LRRC45: variants seen among roughly 807,000 people sequenced by gnomAD.
The protein encoded by LRRC45 is leucine-rich repeat-containing protein 45.
A neutral mutation model predicts 85.4 loss-of-function variants in LRRC45; 73 were observed. The ratio of observed to expected loss-of-function variants is 0.85; its 90% CI spans 0.71 to 1.04. LRRC45 has a LOEUF of 1.04. LRRC45 is among the 50% of genes least tolerant of loss of function. The probability of loss-of-function intolerance (pLI) is 0.00; values close to 1 mark genes in which losing one functional copy is unlikely to be tolerated. For synonymous variants in LRRC45, 429 were observed against 386.0 expected (o/e 1.11, Z -1.31); for missense variants, 937 against 883.3 (o/e 1.06, Z -0.77).
intron 7 of LRRC45, 41 bp from the exon 8 acceptor site, chr17:82,027,633 G>A: frequency 1.3e-6 from 2 of 1,596,128 alleles, no homozygotes; most frequent in Non-Finnish European, 1.7e-6. Context: ...GGAGCGCTCT[G>A]GGGTTTGGGT....
chr17:82,025,621 C>T (rs2043362121), intron 5 of LRRC45, 114 bp downstream of exon 5: 2 of 1,319,902 alleles, frequency 1.5e-6, no homozygotes, highest in Non-Finnish European at 2.0e-6. Context: ...CCTGAGAGCC[C>T]AGGGGAAGCA....
At chr17:82,023,998 T>C in intron 1 of LRRC45, 135 bp downstream of exon 1, 1 of 845,276 alleles carries the variant, frequency 1.2e-6, no homozygotes, top group Non-Finnish European at 1.8e-6. Context: ...CGCCCCTTCC[T>C]GCACCTGGGA....
At chr17:82,027,810 G>C in intron 8 of LRRC45, 59 bp downstream of exon 8, 13 of 1,578,354 alleles carry the variant, frequency 8.2e-6, no homozygotes, top group Non-Finnish European at 1.1e-5. Context: ...AGAGAAAGGT[G>C]GTGTGAACCT....
intron 7 of LRRC45, 46 bp downstream of exon 7, chr17:82,027,490 G>T: frequency 6.2e-7 from 1 of 1,611,328 alleles, no homozygotes; most frequent in African/African-American, 1.3e-5. Context: ...CAGGGATCAG[G>T]TCCTGGCTCA....
intron 5 of LRRC45, chr17:82,026,667 C>T: frequency 2.6e-6 from 1 of 388,458 alleles, no homozygotes. Flanking sequence ...GCAACCTCCA[C>T]CTCCCGGTTC....
chr17:82,027,138 GCTGGTAC>G (rs763274397), intron 6 of LRRC45, 127 bp downstream of exon 6: 103 of 925,536 alleles, frequency 1.1e-4, no homozygotes, highest in Non-Finnish European at 1.7e-4. Flanking sequence ...TCTCTGAGTG[GCTGGTAC>G]CAGGAAGGAG....
At position 82,027,378 on chromosome 17, in the gene LRRC45, G is replaced by T. The variant is rs201334461; in HGVS notation, c.775-8G>T. ...CCCTGACAGGGCTGCGGCTGTCTCTGTCCCCAGTTCCTCGACTTGATGGAG... is the reference window on the plus strand; with the variant it reads ...CCCTGACAGGGCTGCGGCTGTCTCTTTCCCCAGTTCCTCGACTTGATGGAG... On this transcript the variant is annotated splice_polypyrimidine_tract_variant and splice_region_variant and intron_variant, in intron 6 of 16. Coordinates refer to ENST00000306688, the MANE Select transcript of LRRC45 (RefSeq NM_144999.4). The T allele has an allele frequency of 9.3e-6, 15 of 1,612,570 alleles. No homozygotes were observed. Among genetic ancestry groups the T allele is most frequent in the South Asian group, 2.2e-5 (2 of 91,086 alleles).
At chr17:82,026,800 G>A in intron 5 of LRRC45, 99 bp from the exon 6 acceptor site, 5 of 892,976 alleles carry the variant, frequency 5.6e-6, no homozygotes, top group East Asian at 2.7e-5. Flanking sequence ...GGCTGGTCTC[G>A]AACCCCTGAC....
At position 82,027,322 on chromosome 17, in the gene LRRC45, CT is replaced by C. The variant is rs1302258722; in HGVS notation, c.775-63del. 21 of 1,590,558 alleles carry C rather than the reference CT, an allele frequency of 1.3e-5. No homozygotes were observed. The East Asian group carries it at 3.8e-4, about 29-fold the overall frequency. On this transcript the variant is annotated intron_variant, in intron 6 of 16. Transcript: ENST00000306688. ...TGGTGGGCGCTGGCTCTCCTTCCCC[CT>C]GAGAAGGTCAGGTGGACAGGCTGCA...
At chr17:82,026,507 G>A (rs2043368567) in intron 5 of LRRC45, among the ~76,000 whole-genome samples, 1 of 151,950 alleles carries the variant, frequency 6.6e-6, no homozygotes, top group Non-Finnish European at 1.5e-5. Context: ...CTGGGTGCAG[G>A]GCTGGTGGCC....
intron 5 of LRRC45, 45 bp from the exon 6 acceptor site, chr17:82,026,854 C>T: frequency 6.6e-7 from 1 of 1,513,324 alleles, no homozygotes; most frequent in Non-Finnish European, 9.0e-7. Flanking sequence ...TGCTGGGATT[C>T]CAGGCATGAG....
Position 82,023,317 on chromosome 17 carries a change from T to C in LRRC45, c.-327T>C. On this transcript the variant is annotated 5_prime_UTR_variant, in exon 1 of 17. Transcript: ENST00000306688. ...CCCGGCGCGCCTTGTTCTTCCTGGA[T>C]ACTGAGGCCCCGACGCGGCTGTCGC... 2.2e-6 allele frequency: 1 copy of C among 450,790 alleles called. No individual in the cohort carries two copies. The highest frequency in any genetic ancestry group is 3.9e-6 in the Non-Finnish European group (1 of 254,394). 27.9% of individuals were successfully genotyped at this position (450,790 alleles called of 1,614,324 possible).
At chr17:82,025,248 G>T in intron 4 of LRRC45, 70 bp downstream of exon 4, 1 of 1,534,964 alleles carries the variant, frequency 6.5e-7, no homozygotes, top group South Asian at 1.3e-5. Flanking sequence ...GAAGTGAGGG[G>T]CTAGGGGACT....
chr17:82,029,169 G>A lies in LRRC45; in HGVS notation c.1385G>A (p.Arg462Gln), dbSNP rs1003035585. 9 of 1,610,852 alleles carry A rather than the reference G, an allele frequency of 5.6e-6. No homozygotes were observed. The highest frequency in any genetic ancestry group is 4.0e-5 in the African/African-American group (3 of 74,888). Residue 462 changes from arginine (R) to glutamine (Q), a missense_variant, in exon 13 of 17, where the codon CGG becomes CAG. Coordinates refer to ENST00000306688, the MANE Select transcript of LRRC45 (RefSeq NM_144999.4). ...CGGGTGCAGAGGCTGGAGGCGGCGC[G>A]GCTGTCCCTGGAGGAGGTGAGTGCC... is the stretch of plus-strand genomic sequence containing the variant. The part of the protein sequence containing the change: ...QERVQRLEAA[R>Q]LSLEEELSRV...
intron 14 of LRRC45, 58 bp downstream of exon 14, chr17:82,029,693 C>T (rs2043400651): frequency 2.0e-6 from 3 of 1,473,138 alleles, no homozygotes; most frequent in Non-Finnish European, 2.8e-6. Context: ...CATTGCGGCC[C>T]GCATGCAGAC....
chr17:82,025,314 C>G (rs2043359038), intron 4 of LRRC45, 65 bp from the exon 5 acceptor site: 12 of 1,529,276 alleles, frequency 7.8e-6, no homozygotes, highest in Non-Finnish European at 1.1e-5. Context: ...AGGGAAGCAC[C>G]CCGGCCAGGC....
At chr17:82,027,265 C>G in intron 6 of LRRC45, 121 bp from the exon 7 acceptor site, 1 of 1,270,100 alleles carries the variant, frequency 7.9e-7, no homozygotes, top group Non-Finnish European at 1.1e-6. Flanking sequence ...GACAGGGCAC[C>G]GTGGGTGGAA....
chr17:82,025,923 G>C (rs995066211), intron 5 of LRRC45, among the ~76,000 whole-genome samples: 1 of 152,188 alleles, frequency 6.6e-6, no homozygotes, highest in Non-Finnish European at 1.5e-5. Context: ...CCCCTGGCTT[G>C]TGCTGGCCTC....
chr17:82,024,301 C>G lies in LRRC45; in HGVS notation c.244C>G (p.Leu82Val), dbSNP rs2043345555. The G allele has an allele frequency of 6.2e-7, 1 of 1,612,442 alleles. No homozygotes were observed. Among genetic ancestry groups the G allele is most frequent in the Middle Eastern group, 1.7e-4 (1 of 6,060 alleles). Reference sequence around the variant, plus strand: ...AGGGGCCACACTGCTGCTCCGAGGCCTGTGTGCCAACACCGTGCTGCGCTT... The same window carrying G: ...AGGGGCCACACTGCTGCTCCGAGGCGTGTGTGCCAACACCGTGCTGCGCTT... ...EEGATLLLRG[L>V]CANTVLRFLD... is the part of the protein sequence containing the mutation. The change falls in exon 2 of 17, where the codon CTG becomes GTG. Residue 82 changes from leucine to valine, a missense_variant. Transcript: ENST00000306688.
Sources: gnomAD v4.1 joint callset for allele counts (sites outside exome capture counted in the v4.1 genomes callset) on GRCh38, gnomAD v4.1.1 for gene constraint, MANE v1.5 for transcripts, NCBI Gene and HGNC (gene_info 2026-07-23, HGNC 2026-07-21) for gene names.